SLC26A7: variants seen among roughly 807,000 people sequenced by gnomAD.
SLC26A7 encodes the protein solute carrier family 26 member 7.
SLC26A7 carries 59 observed loss-of-function variants against 82.5 expected under a neutral mutation model. That is an observed-to-expected ratio of 0.72 (90% confidence interval 0.58 to 0.89). The LOEUF is 0.89. Among genes scored for constraint, SLC26A7 ranks in the 40% least tolerant of loss-of-function variants. The pLI is 0.00. For missense variants in SLC26A7, 820 were observed against 793.0 expected, an observed-to-expected ratio of 1.03 and a Z score of -0.41; for synonymous variants, 271 against 274.3, an observed-to-expected ratio of 0.99 and a Z score of 0.12.
chr8:91,233,254 A>G (rs959569424), intron 2 of SLC26A7, among the ~76,000 whole-genome samples: 9 of 152,174 alleles, frequency 5.9e-5, no homozygotes, highest in African/African-American at 2.2e-4. Flanking sequence ...AGAGAAGTAG[A>G]CAGCTTTTCC....
chr8:91,224,547 A>G (rs1354406550), intron 2 of SLC26A7, among the ~76,000 whole-genome samples: 1 of 152,172 alleles, frequency 6.6e-6, no homozygotes, highest in East Asian at 1.9e-4. Flanking sequence ...AGCAGCAAAG[A>G]TGGGTGTCTC....
rs866480746 is a variant in SLC26A7, at chr8:91,366,504, G to A, written c.1489-76G>A. Reference sequence around the variant, plus strand: ...ATTGAGAGATTGCTTATAAAATTGAGTGACATTTAGATCTGATTGTTTATT... The same window carrying A: ...ATTGAGAGATTGCTTATAAAATTGAATGACATTTAGATCTGATTGTTTATT... On this transcript the variant is annotated intron_variant, in intron 13 of 18. Coordinates refer to ENST00000276609, the MANE Select transcript of SLC26A7 (RefSeq NM_052832.4). 4.2e-4 allele frequency: 621 copies of A among 1,482,158 alleles called. 3 individuals are homozygous for A. In the Middle Eastern group the frequency reaches 5.2e-3, roughly 12 times the overall value. 91.8% of individuals were successfully genotyped at this position (1,482,158 alleles called of 1,614,324 possible).
chr8:91,215,129 G>T (rs983560803), intron 1 of SLC26A7, among the ~76,000 whole-genome samples: 2 of 151,986 alleles, frequency 1.3e-5, no homozygotes, highest in African/African-American at 4.8e-5. Flanking sequence ...TTATCTCAAG[G>T]TCCTTAATTT....
intron 2 of SLC26A7, among the ~76,000 whole-genome samples, chr8:91,231,453 C>T (rs10108620): frequency 2.6e-5 from 4 of 152,092 alleles, no homozygotes; most frequent in Non-Finnish European, 1.5e-5. Context: ...AAATCACACA[C>T]GGGGAGCCTG....
At chr8:91,309,319 G>A (rs568403893) in intron 4 of SLC26A7, among the ~76,000 whole-genome samples, 1 of 150,876 alleles carries the variant, frequency 6.6e-6, no homozygotes, top group South Asian at 2.1e-4. Context: ...ATCCATCTAT[G>A]CCTATATTAA....
chr8:91,318,722 T>C (rs1812710769), intron 5 of SLC26A7, among the ~76,000 whole-genome samples: 1 of 152,178 alleles, frequency 6.6e-6, no homozygotes, highest in African/African-American at 2.4e-5. Flanking sequence ...AATAGTGCAC[T>C]CCCCCACATT....
chr8:91,308,804 T>G (rs550788784), intron 4 of SLC26A7, among the ~76,000 whole-genome samples: 3 of 152,350 alleles, frequency 2.0e-5, no homozygotes, highest in African/African-American at 7.2e-5. Flanking sequence ...CTCTTCAAAT[T>G]GTCCTGGCTT....
upstream of SLC26A7, among the ~76,000 whole-genome samples, chr8:91,245,480 A>T (rs1810532856): frequency 6.6e-6 from 1 of 152,164 alleles, no homozygotes; most frequent in East Asian, 1.9e-4. Context: ...TGGTGGGTAG[A>T]GTATGGCCTT....
intron 3 of SLC26A7, among the ~76,000 whole-genome samples, chr8:91,291,532 T>C (rs751671082): frequency 1.1e-4 from 17 of 152,210 alleles, no homozygotes; most frequent in Non-Finnish European, 2.4e-4. Context: ...CTAAAAACAT[T>C]TTCTCTGTTA....
rs1563715244 is a variant in SLC26A7 at position 91,389,443 on chromosome 8, T to A, written c.1776+5T>A. 1.9e-6 allele frequency: 3 copies of A among 1,597,452 alleles called. No individual in the cohort carries two copies. Among genetic ancestry groups the A allele is most frequent in the Non-Finnish European group, 1.7e-6 (2 of 1,164,978 alleles). Reference sequence around the variant, plus strand: ...GGAGTCTCCATGCTTGTTGAGGTATTTATGGAACTTGTGTTTAGAACTGTT... The same window carrying A: ...GGAGTCTCCATGCTTGTTGAGGTATATATGGAACTTGTGTTTAGAACTGTT... On this transcript the variant is annotated splice_donor_5th_base_variant and intron_variant, in intron 16 of 18. Coordinates refer to ENST00000276609, the MANE Select transcript of SLC26A7 (RefSeq NM_052832.4).
At chr8:91,288,033 T>C (rs539540952) in intron 2 of SLC26A7, among the ~76,000 whole-genome samples, 3 of 152,348 alleles carry the variant, frequency 2.0e-5, no homozygotes, top group Non-Finnish European at 4.4e-5. Flanking sequence ...GGTTAACTTT[T>C]CATGTATTTT....
chr8:91,276,842 T>A (rs1208323581), intron 2 of SLC26A7, among the ~76,000 whole-genome samples: 1 of 152,200 alleles, frequency 6.6e-6, no homozygotes, highest in Non-Finnish European at 1.5e-5. Context: ...CCATTTAACA[T>A]TGAGACCCAG....
intron 16 of SLC26A7, among the ~76,000 whole-genome samples, chr8:91,391,853 T>A (rs902177684): frequency 1.6e-4 from 24 of 152,114 alleles, no homozygotes; most frequent in Admixed American, 1.6e-3. Flanking sequence ...GTTGTTGTTG[T>A]TGTTCAATTC....
chr8:91,348,800 G>C (rs1204791695), intron 9 of SLC26A7, among the ~76,000 whole-genome samples: 2 of 152,094 alleles, frequency 1.3e-5, no homozygotes, highest in Non-Finnish European at 2.9e-5. Context: ...AGGTAGGTCA[G>C]AGAAAGGCAA....
intron 15 of SLC26A7, 128 bp downstream of exon 15, chr8:91,369,961 A>C (rs571541869): frequency 1.1e-5 from 8 of 746,692 alleles, no homozygotes; most frequent in South Asian, 6.9e-5. Context: ...TTCTCTCCTA[A>C]TTGTCCTCTT....
At chr8:91,258,880 A>G (rs963014191) in intron 2 of SLC26A7, among the ~76,000 whole-genome samples, 1 of 152,056 alleles carries the variant, frequency 6.6e-6, no homozygotes, top group Non-Finnish European at 1.5e-5. Flanking sequence ...TTAAACTCCA[A>G]CAAAACTAAA....
At chr8:91,344,793 T>C (rs988286238) in intron 9 of SLC26A7, among the ~76,000 whole-genome samples, 1 of 152,218 alleles carries the variant, frequency 6.6e-6, no homozygotes, top group Non-Finnish European at 1.5e-5. Flanking sequence ...GGTCATCTTC[T>C]GTAGTGGCGT....
chr8:91,356,109 T>G (rs909145179), intron 11 of SLC26A7, among the ~76,000 whole-genome samples: 1 of 152,240 alleles, frequency 6.6e-6, no homozygotes, highest in African/African-American at 2.4e-5. Flanking sequence ...GTGCCACATT[T>G]TCTTAATCCA....
At chr8:91,391,799 A>AG (rs1814977340) in intron 16 of SLC26A7, among the ~76,000 whole-genome samples, 2 of 149,948 alleles carry the variant, frequency 1.3e-5, no homozygotes. Context: ...GAGAAACACT[A>AG]GGATTTTTTT....
Sources: allele counts gnomAD v4.1 joint callset (sites outside exome capture counted in the v4.1 genomes callset), GRCh38; gene constraint gnomAD v4.1.1; transcripts MANE v1.5; gene names NCBI Gene and HGNC (gene_info 2026-07-23, HGNC 2026-07-21).